Variants in PFKP observed in about 807,000 individuals in gnomAD.
PFKP encodes phosphofructokinase, platelet.
PFKP carries 101 observed loss-of-function variants against 94.3 expected under a neutral mutation model. The ratio of observed to expected loss-of-function variants is 1.07; its 90% CI spans 0.91 to 1.26. The LOEUF (loss-of-function observed/expected upper bound fraction) is 1.26, where lower values mean the gene tolerates loss of function less well. PFKP is among the 50% of genes most tolerant of loss of function. PFKP has a pLI of 0.00. For missense variants in PFKP, 1,145 were observed against 1,103.3 expected (o/e 1.04, Z -0.53); for synonymous variants, 573 against 432.6 (o/e 1.32, Z -4.03).
At chr10:3,114,654 G>A (rs908120836) in intron 13 of PFKP, among the ~76,000 whole-genome samples, 1 of 152,240 alleles carries the variant, frequency 6.6e-6, no homozygotes, top group Non-Finnish European at 1.5e-5. Flanking sequence ...GCTGGGGAAG[G>A]TGCTCCCAGG....
At chr10:3,086,381 C>G (rs1327861703) in intron 2 of PFKP, among the ~76,000 whole-genome samples, 1 of 152,256 alleles carries the variant, frequency 6.6e-6, no homozygotes, top group Non-Finnish European at 1.5e-5. Flanking sequence ...CTCCGCGTCA[C>G]CACTCAGCAT....
At chr10:3,112,911 C>T (rs1337437518) in intron 11 of PFKP, among the ~76,000 whole-genome samples, 1 of 152,238 alleles carries the variant, frequency 6.6e-6, no homozygotes, top group Non-Finnish European at 1.5e-5. Flanking sequence ...GCCCTTTTCT[C>T]TTAGTCCATT....
chr10:3,080,118 C>T lies in PFKP; in HGVS notation c.113-2270C>T, dbSNP rs142449840. On this transcript the variant is annotated intron_variant, in intron 1 of 21. Coordinates refer to ENST00000381125, the MANE Select transcript of PFKP (RefSeq NM_002627.5). ...CAGGAACAGGAGCCTCCGAGTGCTGCCAGACAGGTGGGAGGTCCCTGGGGC... is the reference window on the plus strand; with the variant it reads ...CAGGAACAGGAGCCTCCGAGTGCTGTCAGACAGGTGGGAGGTCCCTGGGGC... Among the ~76,000 whole-genome samples, 1,455 of 151,932 alleles carry T rather than the reference C, an allele frequency of 9.6e-3. 10 individuals carry two copies. Among genetic ancestry groups the T allele is most frequent in the Middle Eastern group, 0.041 (12 of 294 alleles).
At chr10:3,112,580 A>AG (rs1338944360) in intron 11 of PFKP, among the ~76,000 whole-genome samples, 1 of 152,208 alleles carries the variant, frequency 6.6e-6, no homozygotes, top group East Asian at 1.9e-4. Flanking sequence ...AAACAAAAAA[A>AG]GGAGTCTCCT....
At chr10:3,107,498 T>G (rs1460626910) in intron 8 of PFKP, among the ~76,000 whole-genome samples, 189 bp downstream of exon 8, 2 of 152,218 alleles carry the variant, frequency 1.3e-5, no homozygotes, top group African/African-American at 4.8e-5. Flanking sequence ...GGGAGCCCAT[T>G]CCGCTTACGT....
At chr10:3,129,459 G>A (rs1435309252) in intron 16 of PFKP, 10 of 226,722 alleles carry the variant, frequency 4.4e-5, no homozygotes, top group Non-Finnish European at 7.9e-5. Context: ...TGTGTCCGGT[G>A]AAAGCGGCTT....
chr10:3,100,898 G>T (rs186380858), intron 3 of PFKP: 7 of 1,321,164 alleles, frequency 5.3e-6, no homozygotes, highest in Non-Finnish European at 6.4e-6. Flanking sequence ...CTGGCCCCAG[G>T]TTCCTGCTGG....
intron 2 of PFKP, among the ~76,000 whole-genome samples, chr10:3,091,539 G>A (rs1474500031): frequency 6.6e-6 from 1 of 152,148 alleles, no homozygotes; most frequent in African/African-American, 2.4e-5. Flanking sequence ...TTCTTGCCGA[G>A]CACCGTGGCT....
At chr10:3,105,272 G>C in intron 6 of PFKP, 113 bp downstream of exon 6, 1 of 1,316,510 alleles carries the variant, frequency 7.6e-7, no homozygotes, top group Non-Finnish European at 1.1e-6. Flanking sequence ...TCCTGAAGGG[G>C]CCGGCATCCC....
At chr10:3,111,677 A>G (rs1406848614) in intron 10 of PFKP, among the ~76,000 whole-genome samples, 1 of 152,122 alleles carries the variant, frequency 6.6e-6, no homozygotes, top group African/African-American at 2.4e-5. Flanking sequence ...AGAGCGAGAA[A>G]GAACTTGACC....
chr10:3,134,402 C>T (rs183384708), intron 19 of PFKP, 81 bp from the exon 20 acceptor site: 539 of 850,684 alleles, frequency 6.3e-4, no homozygotes, highest in Middle Eastern at 4.2e-3. Flanking sequence ...ATGAATTCTG[C>T]AAAATAGAAA....
intron 4 of PFKP, among the ~76,000 whole-genome samples, chr10:3,102,548 G>C (rs1044592250): frequency 4.6e-5 from 7 of 151,930 alleles, no homozygotes; most frequent in African/African-American, 1.4e-4. Flanking sequence ...CAAGCAGCTG[G>C]GATTACAGGC....
At position 3,101,542 on chromosome 10, in the gene PFKP, C is replaced by G. The variant is rs1260359232; in HGVS notation, c.442C>G (p.Leu148Val). 6.4e-7 allele frequency: 1 copy of G among 1,551,408 alleles called. No individual in the cohort carries two copies. The highest frequency in any genetic ancestry group is 8.7e-7 in the Non-Finnish European group (1 of 1,148,096). Reference protein sequence around the residue: ...RKEWSGLLEELARNGQIDKEA... With the variant: ...RKEWSGLLEEVARNGQIDKEA... Reference sequence around the variant, plus strand: ...GGAGTGGAGTGGGCTGCTGGAGGAGCTGGCCAGGAACGGTGAGTGGACACC... The same window carrying G: ...GGAGTGGAGTGGGCTGCTGGAGGAGGTGGCCAGGAACGGTGAGTGGACACC... Residue 148 changes from leucine to valine, a missense_variant, in exon 4 of 22, where the codon CTG becomes GTG. Leu to Val is a conservative substitution (Grantham distance 32). This residue lies in a region of PFKP where 1,119 missense variants were observed against 1,062.8 expected (regional missense o/e 1.05). Coordinates refer to ENST00000381125, the MANE Select transcript of PFKP (RefSeq NM_002627.5).
chr10:3,098,365 G>T (rs1834669840), intron 2 of PFKP, among the ~76,000 whole-genome samples: 1 of 152,056 alleles, frequency 6.6e-6, no homozygotes. Flanking sequence ...AAAAGATGGG[G>T]ATGCATTTAG....
At chr10:3,121,831 CTTTTT>C (rs71497862) in intron 16 of PFKP, among the ~76,000 whole-genome samples, 1 of 34,556 alleles carries the variant, frequency 2.9e-5, no homozygotes, top group African/African-American at 9.1e-5. Flanking sequence ...TTTTTTTTTT[CTTTTT>C]TTGGAGACAG....
At chr10:3,133,111 C>G in intron 18 of PFKP, 92 bp from the exon 19 acceptor site, 2 of 848,388 alleles carry the variant, frequency 2.4e-6, no homozygotes, top group Non-Finnish European at 4.1e-6. Context: ...TTGGGGGATG[C>G]GGGAGTCCAG....
intron 2 of PFKP, among the ~76,000 whole-genome samples, chr10:3,098,574 C>G (rs1834687522): frequency 6.8e-6 from 1 of 146,684 alleles, no homozygotes; most frequent in Non-Finnish European, 1.5e-5. Context: ...GCTCAGGAGG[C>G]TGAGGCAGGA....
At position 3,129,918 on chromosome 10, in the gene PFKP, G is replaced by C; in HGVS notation, c.1783G>C (p.Gly595Arg). Reference protein sequence around the residue: ...GYCGYLANMGGLAAGADAAYI... With the variant: ...GYCGYLANMGRLAAGADAAYI... ...CTGTGGCTACCTGGCCAACATGGGG[G>C]GGCTCGCGGCCGGAGCTGATGCCGC... The change falls in exon 17 of 22, where the codon GGG becomes CGG. Residue 595 changes from glycine to arginine, a missense_variant. By Grantham distance (125) the Gly-to-Arg change is moderately radical (BLOSUM62 -2). Transcript: ENST00000381125. 1.2e-6 allele frequency: 2 copies of C among 1,612,306 alleles called. No individual in the cohort carries two copies. The highest frequency in any genetic ancestry group is 1.3e-5 in the African/African-American group (1 of 75,036).
At chr10:3,125,077 G>A (rs761337821) in intron 16 of PFKP, 257 of 1,235,340 alleles carry the variant, frequency 2.1e-4, no homozygotes, top group Non-Finnish European at 2.5e-4. Flanking sequence ...CCCGCTAACC[G>A]CTTGGCCCTG....
Sources: allele counts gnomAD v4.1 joint callset (sites outside exome capture counted in the v4.1 genomes callset), GRCh38; gene constraint gnomAD v4.1.1; regional missense constraint gnomAD v4.1.1; transcripts MANE v1.5; gene names NCBI Gene and HGNC (gene_info 2026-07-23, HGNC 2026-07-21).